The following RAD51B variants were observed in gnomAD, a reference collection of about 807,000 sequenced individuals.
The protein encoded by RAD51B is RAD51 paralog B, also known as DNA repair protein RAD51 homolog 2.
In RAD51B, 38 loss-of-function variants were observed where a neutral mutation model predicts 42.2. The ratio of observed to expected loss-of-function variants is 0.90; its 90% CI spans 0.70 to 1.18. The LOEUF (loss-of-function observed/expected upper bound fraction) is 1.18. RAD51B is among the 50% of genes most tolerant of loss of function. The pLI is 0.00. For missense variants in RAD51B, 373 were observed against 400.7 expected (o/e 0.93, Z 0.59); for synonymous variants, 154 against 145.2 (o/e 1.06, Z -0.43).
intron 7 of RAD51B, among the ~76,000 whole-genome samples, chr14:68,231,351 C>T (rs1347297683): frequency 6.6e-6 from 1 of 152,162 alleles, no homozygotes; most frequent in East Asian, 1.9e-4. Flanking sequence ...TAAATCTTTC[C>T]TCCAACCTTA....
intron 9 of RAD51B, among the ~76,000 whole-genome samples, chr14:68,412,815 T>A (rs931452411): frequency 3.3e-5 from 5 of 152,212 alleles, no homozygotes; most frequent in Non-Finnish European, 7.3e-5. Context: ...TCCTGGGGAA[T>A]CTAATGACCT....
intron 10 of RAD51B, chr14:68,561,919 G>C (rs1045859436): frequency 1.0e-6 from 1 of 973,298 alleles, no homozygotes; most frequent in African/African-American, 1.8e-5. Flanking sequence ...GTGGGAGGAT[G>C]AAATGAGGTC....
chr14:67,910,659 C>T (rs1405914553), intron 7 of RAD51B, among the ~76,000 whole-genome samples: 2 of 151,614 alleles, frequency 1.3e-5, no homozygotes, highest in Non-Finnish European at 2.9e-5. Flanking sequence ...GATTAGGTAC[C>T]AATTGAATTC....
chr14:68,553,483 CG>C (rs1888676147), intron 10 of RAD51B, among the ~76,000 whole-genome samples: 1 of 152,014 alleles, frequency 6.6e-6, no homozygotes, highest in Non-Finnish European at 1.5e-5. Flanking sequence ...CAGCTGAAGA[CG>C]AGCCATCTAC....
chr14:68,042,307 C>T (rs2076230570), intron 7 of RAD51B, among the ~76,000 whole-genome samples: 1 of 152,168 alleles, frequency 6.6e-6, no homozygotes, highest in Non-Finnish European at 1.5e-5. Context: ...TGGCCAGATA[C>T]AGGTCATAAT....
chr14:67,897,529 GGGAAAT>G (rs1181828600), intron 7 of RAD51B, among the ~76,000 whole-genome samples: 1 of 152,002 alleles, frequency 6.6e-6, no homozygotes, highest in Non-Finnish European at 1.5e-5. Context: ...CTAATCATAA[GGGAAAT>G]GGAAATCAAA....
rs2040561044 is a variant in RAD51B, at chr14:67,819,796, T to A, written c.-60T>A. 1 of 152,168 alleles carries A rather than the reference T, an allele frequency of 6.6e-6. No homozygotes were observed. The highest frequency in any genetic ancestry group is 1.5e-5 in the Non-Finnish European group (1 of 68,066). 9.4% of individuals were successfully genotyped at this position (152,168 alleles called of 1,614,324 possible). A position where few individuals can be genotyped will look rare whatever the true frequency, so the allele number is the denominator to read the frequency against. ...CTTCGGTTGTTGCTTTGCGGCGTTT[T>A]CCGCGGGGAAACTGTGTAAAGGGTG... On this transcript the variant is annotated 5_prime_UTR_variant, in exon 1 of 11. Coordinates refer to ENST00000471583, the MANE Select transcript of RAD51B (RefSeq NM_133510.4).
At chr14:68,388,095 T>TA (rs869245953) in intron 8 of RAD51B, among the ~76,000 whole-genome samples, 12,136 of 105,228 alleles carry the variant, frequency 0.12, 661 homozygotes, top group African/African-American at 0.23. Context: ...TATATATATA[T>TA]TTTTTTTTTT....
At chr14:67,830,410 G>T (rs80055050) in intron 3 of RAD51B, among the ~76,000 whole-genome samples, 2 of 150,728 alleles carry the variant, frequency 1.3e-5, no homozygotes, top group Non-Finnish European at 3.0e-5. Flanking sequence ...GATAATTTTT[G>T]TTTTTTTTTG....
intron 7 of RAD51B, among the ~76,000 whole-genome samples, chr14:68,119,730 TGGGTTGGTCCCAAG>T: frequency 6.6e-6 from 1 of 151,818 alleles, no homozygotes; most frequent in Non-Finnish European, 1.5e-5. Flanking sequence ...GTTGGACATT[TGGGTTGGTCCCAAG>T]TCTTTGCTAT....
At chr14:68,094,883 C>T (rs1210452522) in intron 7 of RAD51B, among the ~76,000 whole-genome samples, 1 of 152,194 alleles carries the variant, frequency 6.6e-6, no homozygotes, top group African/African-American at 2.4e-5. Flanking sequence ...TACATCTGGT[C>T]ATGCCTTCTT....
At chr14:68,467,154 T>A (rs187151901) in intron 9 of RAD51B, among the ~76,000 whole-genome samples, 2 of 152,346 alleles carry the variant, frequency 1.3e-5, no homozygotes, top group Admixed American at 6.5e-5. Flanking sequence ...TATAATAAAA[T>A]AATCTACTAA....
At chr14:67,973,582 T>C (rs2074937212) in intron 7 of RAD51B, among the ~76,000 whole-genome samples, 1 of 152,158 alleles carries the variant, frequency 6.6e-6, no homozygotes, top group South Asian at 2.1e-4. Context: ...CCAAACCACA[T>C]AGGACAAATT....
At chr14:68,375,797 G>C (rs906866589) in intron 8 of RAD51B, among the ~76,000 whole-genome samples, 1 of 152,026 alleles carries the variant, frequency 6.6e-6, no homozygotes, top group African/African-American at 2.4e-5. Flanking sequence ...GGCTTGGGGA[G>C]CCTTATTCTG....
rs191556684 is a variant in RAD51B at position 67,997,642 on chromosome 14, T to G, written c.756+110438T>G. Among the ~76,000 whole-genome samples the G allele has an allele frequency of 2.0e-5, 3 of 152,328 alleles. No homozygotes were observed. In the East Asian group the frequency reaches 5.8e-4, roughly 29 times the overall value. On this transcript the variant is annotated intron_variant, in intron 7 of 10. Coordinates refer to ENST00000471583, the MANE Select transcript of RAD51B (RefSeq NM_133510.4). ...CATTTGTTGAGATGCTTTTACCTGT[T>G]TTTTGATATTTTGTCAAATATGGTA...
intron 8 of RAD51B, among the ~76,000 whole-genome samples, chr14:68,298,881 G>A (rs921315435): frequency 2.6e-5 from 4 of 152,102 alleles, no homozygotes. Flanking sequence ...GGTGCCCAAC[G>A]ATTAGTTTGT....
rs2084705830 is a variant in RAD51B, at chr14:68,421,730, TC to T, written c.957+10204del. On this transcript the variant is annotated intron_variant, in intron 9 of 10. Coordinates refer to ENST00000471583, the MANE Select transcript of RAD51B (RefSeq NM_133510.4). ...AGTTGTCCACAGTCAGCAATGGTGA[TC>T]TTCTTGCTGGTCTTGCCATTCCTGG... is the stretch of plus-strand genomic sequence containing the variant. 5 of 1,591,420 alleles carry T rather than the reference TC, an allele frequency of 3.1e-6. No homozygotes were observed. The Admixed American group carries it at 8.3e-5, about 27-fold the overall frequency.
At chr14:68,528,949 GA>G (rs1887103620) in intron 10 of RAD51B, among the ~76,000 whole-genome samples, 1 of 152,178 alleles carries the variant, frequency 6.6e-6, no homozygotes, top group Non-Finnish European at 1.5e-5. Flanking sequence ...GTCTGCAGAA[GA>G]AACCCTGGTC....
chr14:67,859,930 C>G (rs2042112131), intron 4 of RAD51B, among the ~76,000 whole-genome samples: 1 of 152,254 alleles, frequency 6.6e-6, no homozygotes, highest in East Asian at 1.9e-4. Flanking sequence ...GTGCGATTCT[C>G]CTGTCTCAGC....
Sources: allele counts gnomAD v4.1 joint callset (sites outside exome capture counted in the v4.1 genomes callset), GRCh38; gene constraint gnomAD v4.1.1; transcripts MANE v1.5; gene names NCBI Gene and HGNC (gene_info 2026-07-23, HGNC 2026-07-21).